TANC2: variants seen among roughly 807,000 people sequenced by gnomAD.
TANC2 encodes protein TANC2.
Under a neutral mutation model 210.5 loss-of-function variants are expected in TANC2, and 26 were observed. The ratio of observed to expected loss-of-function variants is 0.12; its 90% confidence interval spans 0.09 to 0.17. The LOEUF (loss-of-function observed/expected upper bound fraction) is 0.17, where lower values mean the gene tolerates loss of function less well. Among genes scored for constraint, TANC2 ranks in the 10% least tolerant of loss-of-function variants. The probability of loss-of-function intolerance (pLI) is 1.00; values close to 1 mark genes in which losing one functional copy is unlikely to be tolerated. For synonymous variants in TANC2, 931 were observed against 967.1 expected (o/e 0.96, Z 0.69); for missense variants, 2,129 against 2,608.9 (o/e 0.82, Z 4.01).
In TANC2 at chr17:63,347,548, A is replaced by G. The variant is rs1378864912; in HGVS notation, c.1808-3702A>G. 3.9e-5 allele frequency among the ~76,000 whole-genome samples: 6 copies of G among 152,296 alleles called. No homozygotes were observed. The South Asian group carries it at 8.3e-4, about 21-fold the overall frequency. On this transcript the variant is annotated intron_variant, in intron 12 of 27. Coordinates refer to ENST00000689528, the Ensembl canonical transcript of TANC2. ...AAGGTAGCTGGAGTTTTTTCAATGG[A>G]AAACACTTTCAATTTAGAGTCAGAA...
At chr17:63,216,442 A>G (rs2042028834) in intron 7 of TANC2, among the ~76,000 whole-genome samples, 1 of 152,194 alleles carries the variant, frequency 6.6e-6, no homozygotes, top group Non-Finnish European at 1.5e-5. Flanking sequence ...TAGTAAGTAA[A>G]GTGCATTCCT....
Position 63,368,926 on chromosome 17 carries a change from A to G in TANC2, c.2583-10792A>G, listed in dbSNP as rs1220582486. Reference sequence around the variant, plus strand: ...ATGAGTTCTAGAAACCTGGCTATCAAAAGGGCAACTTAAAGTCCTTTTTGA... The same window carrying G: ...ATGAGTTCTAGAAACCTGGCTATCAGAAGGGCAACTTAAAGTCCTTTTTGA... On this transcript the variant is annotated intron_variant, in intron 14 of 27. Transcript: ENST00000689528. 3.9e-5 allele frequency among the ~76,000 whole-genome samples: 6 copies of G among 152,234 alleles called. No homozygotes were observed. In the East Asian group the frequency reaches 7.7e-4, roughly 20 times the overall value.
intron 4 of TANC2, among the ~76,000 whole-genome samples, chr17:63,116,632 C>G (rs1239233777): frequency 6.6e-6 from 1 of 152,192 alleles, no homozygotes; most frequent in Non-Finnish European, 1.5e-5. Flanking sequence ...TAGTATGCCT[C>G]TCTTTGAAAT....
chr17:63,186,841 C>G (rs955678925), intron 5 of TANC2, among the ~76,000 whole-genome samples: 1 of 152,154 alleles, frequency 6.6e-6, no homozygotes, highest in Non-Finnish European at 1.5e-5. Flanking sequence ...TTTTAATCAG[C>G]ATAATGCATG....
chr17:62,987,338 A>G (rs889887165), intron 1 of TANC2, among the ~76,000 whole-genome samples: 2 of 152,188 alleles, frequency 1.3e-5, no homozygotes, highest in Non-Finnish European at 2.9e-5. Context: ...ACTGGCCCCC[A>G]GATGAGGGCG....
At chr17:63,028,597 TCTTTTCTCCA>T (rs2034647580) in intron 2 of TANC2, among the ~76,000 whole-genome samples, 1 of 152,148 alleles carries the variant, frequency 6.6e-6, no homozygotes, top group Non-Finnish European at 1.5e-5. Flanking sequence ...TAAGAATATT[TCTTTTCTCCA>T]GGTACAGGAA....
In TANC2 at chr17:63,418,208, A is replaced by G. The variant is rs550395633; in HGVS notation, c.4168-99A>G. 80 of 1,279,966 alleles carry G rather than the reference A, an allele frequency of 6.3e-5. 1 individual carries two copies. In the South Asian group the frequency reaches 8.2e-4, roughly 13 times the overall value. 79.3% of individuals were successfully genotyped at this position (1,279,966 alleles called of 1,614,324 possible). ...GTCTAGCGTCCCAGGCGTTCCATCC[A>G]TGAATGTCAAAAAATGTACAAATAA... On this transcript the variant is annotated intron_variant, in intron 26 of 27. Coordinates refer to ENST00000689528, the Ensembl canonical transcript of TANC2. This position sits in a 1 kb window ranked among gnomAD's most constrained non-coding sequence, Gnocchi z 4.6.
At chr17:63,260,240 C>T (rs764797890) in intron 8 of TANC2, among the ~76,000 whole-genome samples, 8 of 152,164 alleles carry the variant, frequency 5.3e-5, no homozygotes, top group Non-Finnish European at 1.0e-4. Context: ...TCCACTGTTT[C>T]CTAATCATAA....
At chr17:63,425,145 A>C (rs913898832) in exon 28 of TANC2, 4 of 152,164 alleles carry the variant, frequency 2.6e-5, no homozygotes, top group African/African-American at 9.7e-5. Context: ...GTGCACTATT[A>C]AAGTCCCAAG....
chr17:63,062,908 T>G (rs1377250301), intron 2 of TANC2, among the ~76,000 whole-genome samples: 1 of 152,200 alleles, frequency 6.6e-6, no homozygotes, highest in Non-Finnish European at 1.5e-5. Context: ...TATAATTCAA[T>G]TCAATTCTGG....
intron 20 of TANC2, among the ~76,000 whole-genome samples, chr17:63,405,802 G>A (rs2048485691): frequency 6.6e-6 from 1 of 152,190 alleles, no homozygotes; most frequent in Non-Finnish European, 1.5e-5. Flanking sequence ...CAGTTCAGTT[G>A]CAAGTATTAA....
intron 4 of TANC2, chr17:63,120,729 G>C (rs1159299619): frequency 6.3e-5 from 9 of 142,640 alleles, no homozygotes; most frequent in African/African-American, 2.4e-4. Context: ...TAGGAGAATC[G>C]CCTGAGGCTG....
chr17:63,306,382 A>T (rs999507367), intron 9 of TANC2, among the ~76,000 whole-genome samples: 1 of 152,192 alleles, frequency 6.6e-6, no homozygotes, highest in Non-Finnish European at 1.5e-5. Context: ...TCCTCTACTA[A>T]TACATAAAAA....
exon 14 of TANC2, chr17:63,354,955 T>C (rs1172961674): frequency 6.2e-7 from 1 of 1,613,902 alleles, no homozygotes; most frequent in Admixed American, 1.7e-5. Flanking sequence ...TTTGGCAAAC[T>C]CAGTTCTCAT....
chr17:63,221,461 GAAAGAA>G (rs1376828865), intron 7 of TANC2, among the ~76,000 whole-genome samples: 1 of 134,250 alleles, frequency 7.4e-6, no homozygotes, highest in Non-Finnish European at 1.6e-5. Flanking sequence ...AAAAAAAAAA[GAAAGAA>G]AATGAAAAGG....
At chr17:63,352,992 G>C (rs771867981) in intron 13 of TANC2, among the ~76,000 whole-genome samples, 1 of 152,102 alleles carries the variant, frequency 6.6e-6, no homozygotes, top group African/African-American at 2.4e-5. Context: ...AAACAAAATA[G>C]GGTGGAGGGA....
exon 12 of TANC2, chr17:63,340,241 G>A: frequency 1.2e-6 from 2 of 1,613,954 alleles, no homozygotes; most frequent in African/African-American, 1.3e-5. Context: ...AACCTCACCT[G>A]CAGAGCATGC....
intron 22 of TANC2, 113 bp downstream of exon 22, chr17:63,411,799 C>A: frequency 7.0e-7 from 1 of 1,431,544 alleles, no homozygotes; most frequent in Non-Finnish European, 9.4e-7. Context: ...ACAGAGCTCT[C>A]AGATCTATAC....
intron 2 of TANC2, among the ~76,000 whole-genome samples, chr17:63,031,144 A>T (rs967348924): frequency 6.6e-6 from 1 of 152,052 alleles, no homozygotes; most frequent in Non-Finnish European, 1.5e-5. Context: ...ATAGATTTCT[A>T]TGATTGTTCT....
Sources: allele counts gnomAD v4.1 joint callset (sites outside exome capture counted in the v4.1 genomes callset), GRCh38; gene constraint gnomAD v4.1.1; non-coding constraint Gnocchi (gnomAD v3.1); transcripts MANE v1.5; gene names NCBI Gene and HGNC (gene_info 2026-07-23, HGNC 2026-07-21).